The following FAM135B variants were observed in gnomAD, a reference collection of about 807,000 sequenced individuals.
FAM135B encodes family with sequence similarity 135 member B, also known as protein FAM135B.
FAM135B carries 43 observed loss-of-function variants against 127.7 expected under a neutral mutation model. The observed-to-expected ratio is 0.34, with a 90% CI of 0.26 to 0.43. The LOEUF is 0.43. Among genes scored for constraint, FAM135B ranks in the 20% least tolerant of loss-of-function variants. The pLI is 1.00. For synonymous variants in FAM135B, 670 were observed against 665.1 expected (o/e 1.01, Z -0.11); for missense variants, 1,558 against 1,725.6 (o/e 0.90, Z 1.72).
chr8:138,242,936 C>A lies in FAM135B; in HGVS notation c.669+6G>T. 1.9e-6 allele frequency: 3 copies of A among 1,612,828 alleles called. No individual in the cohort carries two copies. Among genetic ancestry groups the A allele is most frequent in the Admixed American group, 1.7e-5 (1 of 59,846 alleles). The stretch of plus-strand genomic sequence containing the variant: ...TTTTGAAGCAACTGCCCCACACAGG[C>A]CTTACCTCTGAGGAAGTCGGCTTGC... On this transcript the variant is annotated splice_donor_region_variant and intron_variant, in intron 7 of 19. Transcript: ENST00000395297. The surrounding 1 kb of genome is among the most constrained non-coding windows in gnomAD (Gnocchi z 9.6).
In FAM135B at chr8:138,152,736, C is replaced by A. The variant is rs2130779881; in HGVS notation, c.1739G>T (p.Ser580Ile). 3 of 1,614,212 alleles carry A rather than the reference C, an allele frequency of 1.9e-6. No individual in the cohort carries two copies. The South Asian group carries it at 3.3e-5, about 18-fold the overall frequency. The change falls in exon 13 of 20, where the codon AGC (serine) becomes ATC (isoleucine). Residue 580 changes from serine to isoleucine, a missense_variant. Transcript: ENST00000395297. ...VAFNAQHESRSSRDKYGLDRT... is the reference protein window; with the variant it reads ...VAFNAQHESRISRDKYGLDRT... ...GTCTAATCCATACTTATCTCTAGAG[C>A]TCCTACTCTCATGCTGAGCATTGAA...
chr8:138,482,851 T>C (rs1476546170), intron 1 of FAM135B, among the ~76,000 whole-genome samples: 1 of 151,950 alleles, frequency 6.6e-6, no homozygotes, highest in African/African-American at 2.4e-5. Flanking sequence ...CACCATGGAG[T>C]AGTACTCTGA....
At position 138,242,514 on chromosome 8, in the gene FAM135B, T is replaced by A. The variant is rs935448451; in HGVS notation, c.669+428A>T. Among the ~76,000 whole-genome samples, 2 of 151,748 alleles carry A rather than the reference T, an allele frequency of 1.3e-5. No individual in the cohort carries two copies. Among genetic ancestry groups the A allele is most frequent in the Admixed American group, 6.6e-5 (1 of 15,242 alleles). The stretch of plus-strand genomic sequence containing the variant: ...ACATTTGGGTACATATAACACTCCA[T>A]GAGATTATTAGCTATTGGGGAGCCC... On this transcript the variant is annotated intron_variant, in intron 7 of 19. Transcript: ENST00000395297. The surrounding 1 kb of genome is among the most constrained non-coding windows in gnomAD (Gnocchi z 9.6).
intron 2 of FAM135B, among the ~76,000 whole-genome samples, chr8:138,350,497 A>AAC (rs59686476): frequency 0.067 from 9,857 of 148,096 alleles, 356 homozygotes; most frequent in East Asian, 0.13. Context: ...GGTTTTCTAC[A>AAC]ACACACACAC....
chr8:138,301,183 G>T (rs1384368344), intron 3 of FAM135B, among the ~76,000 whole-genome samples: 1 of 152,140 alleles, frequency 6.6e-6, no homozygotes, highest in Non-Finnish European at 1.5e-5. Context: ...ATGCGATGTG[G>T]ACCCACATGC....
intron 7 of FAM135B, among the ~76,000 whole-genome samples, chr8:138,229,042 C>CGT (rs35367239): frequency 0.11 from 17,161 of 150,932 alleles, 1,226 homozygotes; most frequent in Non-Finnish European, 0.14. Context: ...AACACTCACA[C>CGT]GTGTGTGTGT....
intron 9 of FAM135B, among the ~76,000 whole-genome samples, chr8:138,193,450 G>A (rs1669714161): frequency 6.6e-6 from 1 of 152,192 alleles, no homozygotes; most frequent in Non-Finnish European, 1.5e-5. Flanking sequence ...AGGAAAGAGA[G>A]TGGGCGTATT....
intron 3 of FAM135B, among the ~76,000 whole-genome samples, chr8:138,282,895 G>A (rs1481237341): frequency 6.6e-6 from 1 of 152,102 alleles, no homozygotes; most frequent in African/African-American, 2.4e-5. Flanking sequence ...GTTCATAGCA[G>A]TTTGTTTTTT....
At chr8:138,281,448 G>A (rs1377913024) in intron 3 of FAM135B, among the ~76,000 whole-genome samples, 15 of 125,796 alleles carry the variant, frequency 1.2e-4, no homozygotes, top group East Asian at 7.5e-4. Context: ...TCTGATTTCC[G>A]TCCCCTTAGC....
chr8:138,442,267 T>TATATATATATATATATACAC (rs34280434), intron 1 of FAM135B, among the ~76,000 whole-genome samples: 7 of 86,750 alleles, frequency 8.1e-5, no homozygotes, highest in African/African-American at 1.3e-4. Flanking sequence ...TATATATATA[T>TATATATATATATATATACAC]ATATATATAT....
chr8:138,203,416 C>A (rs548207303), intron 7 of FAM135B, among the ~76,000 whole-genome samples: 1 of 152,186 alleles, frequency 6.6e-6, no homozygotes, highest in Non-Finnish European at 1.5e-5. Context: ...CCTGTCAGAA[C>A]GTCTTGATGG....
intron 3 of FAM135B, among the ~76,000 whole-genome samples, chr8:138,308,399 G>C (rs1826423137): frequency 6.6e-6 from 1 of 152,168 alleles, no homozygotes; most frequent in African/African-American, 2.4e-5. Flanking sequence ...ACAAGTTTTG[G>C]AGTGCTTCAT....
intron 1 of FAM135B, among the ~76,000 whole-genome samples, chr8:138,496,365 T>C (rs1815391685): frequency 6.6e-6 from 1 of 152,150 alleles, no homozygotes; most frequent in Non-Finnish European, 1.5e-5. Context: ...AGGACCCCAA[T>C]GGCCAAGGTC....
chr8:138,172,729 G>C (rs1373817693), intron 11 of FAM135B, among the ~76,000 whole-genome samples: 1 of 152,230 alleles, frequency 6.6e-6, no homozygotes, highest in East Asian at 1.9e-4. Context: ...GGAAGGGAAG[G>C]AGAAAGGGAG....
intron 2 of FAM135B, among the ~76,000 whole-genome samples, chr8:138,313,927 C>T (rs977400324): frequency 9.9e-5 from 15 of 151,508 alleles, no homozygotes; most frequent in Non-Finnish European, 8.8e-5. Context: ...GGGTGCCCAA[C>T]TGAGGTTAAG....
chr8:138,316,641 T>G (rs910350054), intron 2 of FAM135B, among the ~76,000 whole-genome samples: 12 of 152,014 alleles, frequency 7.9e-5, no homozygotes, highest in African/African-American at 2.9e-4. Flanking sequence ...GGTGGAAATG[T>G]AAAATGGAAC....
chr8:138,157,120 TG>T (rs1199923910), intron 12 of FAM135B, among the ~76,000 whole-genome samples: 1 of 152,216 alleles, frequency 6.6e-6, no homozygotes, highest in Non-Finnish European at 1.5e-5. Flanking sequence ...GCTTCATCCC[TG>T]GGATGCAAGG....
chr8:138,422,059 C>T (rs1342182941), intron 1 of FAM135B, among the ~76,000 whole-genome samples: 1 of 152,106 alleles, frequency 6.6e-6, no homozygotes, highest in East Asian at 1.9e-4. Flanking sequence ...GGATAACTGG[C>T]TAGCCATAAG....
At chr8:138,165,662 G>T (rs951219323) in intron 12 of FAM135B, among the ~76,000 whole-genome samples, 1 of 152,066 alleles carries the variant, frequency 6.6e-6, no homozygotes, top group African/African-American at 2.4e-5. Flanking sequence ...TAATGAAGAT[G>T]CACTTACATA....
Sources: gnomAD v4.1 joint callset for allele counts (sites outside exome capture counted in the v4.1 genomes callset) on GRCh38, gnomAD v4.1.1 for gene constraint, Gnocchi (gnomAD v3.1) non-coding constraint, MANE v1.5 for transcripts, NCBI Gene and HGNC (gene_info 2026-07-23, HGNC 2026-07-21) for gene names.